The following MED16 variants were observed in gnomAD, a reference collection of about 807,000 sequenced individuals.
MED16 encodes mediator of RNA polymerase II transcription subunit 16.
Under a neutral mutation model 84.4 loss-of-function variants are expected in MED16, and 81 were observed. That is an observed-to-expected ratio of 0.96 (90% CI 0.80 to 1.15). The LOEUF (loss-of-function observed/expected upper bound fraction) is 1.15, where lower values mean the gene tolerates loss of function less well. Ranked by LOEUF, MED16 falls within the 50% of genes most tolerant of loss-of-function variation. MED16 has a pLI of 0.00. For missense variants in MED16, 1,585 were observed against 1,245.9 expected, an observed-to-expected ratio of 1.27 and a Z score of -4.10; for synonymous variants, 897 against 552.2, an observed-to-expected ratio of 1.62 and a Z score of -8.76.
chr19:872,172 G>A, intron 11 of MED16, 54 bp from the exon 12 acceptor site: 1 of 1,502,910 alleles, frequency 6.7e-7, no homozygotes, highest in East Asian at 2.3e-5. Context: ...GATGGCGATG[G>A]GATGAAGTGT....
intron 13 of MED16, among the ~76,000 whole-genome samples, chr19:869,212 C>T (rs970009503): frequency 8.5e-5 from 13 of 152,124 alleles, no homozygotes; most frequent in African/African-American, 2.4e-4. Flanking sequence ...GTAAAGGGGA[C>T]GGGGCCCACA....
At chr19:892,916 CG>C (rs2145266284) in intron 1 of MED16, 169 bp downstream of exon 1, 1 of 137,204 alleles carries the variant, frequency 7.3e-6, no homozygotes, top group African/African-American at 2.9e-5. Context: ...CCGCGCCCCG[CG>C]CCCCGCGCCC....
In MED16 at chr19:873,355, G is replaced by C. The variant is rs1279019891; in HGVS notation, c.1905+94C>G. The C allele has an allele frequency of 6.4e-6, 8 of 1,243,758 alleles. No homozygotes were observed. The East Asian group carries it at 1.5e-4, about 24-fold the overall frequency. The allele number at this position is 1,243,758 out of a possible 1,614,324, so 77.0% of individuals were successfully genotyped here. On this transcript the variant is annotated intron_variant, in intron 11 of 15. Transcript: ENST00000325464. ...CGGGACTCCAACTAGGGGCGGGGCT[G>C]AGGTGGTTTTGAGGGGCAGGGGCAG... is the stretch of plus-strand genomic sequence containing the variant.
intron 1 of MED16, among the ~76,000 whole-genome samples, chr19:891,479 C>T (rs761038097): frequency 1.1e-4 from 16 of 152,154 alleles, no homozygotes; most frequent in Non-Finnish European, 2.4e-4. Flanking sequence ...GGAGGGTCTG[C>T]GCTGGCCCAG....
rs976239448 is a variant in MED16, at chr19:877,103, C to T, written c.1431G>A (p.Leu477=). 1 of 1,612,662 alleles carries T rather than the reference C, an allele frequency of 6.2e-7. No individual in the cohort carries two copies. Among genetic ancestry groups the T allele is most frequent in the Non-Finnish European group, 8.5e-7 (1 of 1,179,900 alleles). The change falls in exon 9 of 16, where the codon CTG becomes CTA. Residue 477 remains leucine (L), a synonymous_variant. Transcript: ENST00000325464. ...VGLALRHLLF[L]LEYCMVTGYD... ...AGCCGGTCACCATGCAGTACTCCAG[C>T]AGGAAGAGCAGGTGCCGCAGCGCCA...
At position 886,549 on chromosome 19, in the gene MED16, T is replaced by G. The variant is rs1374360116; in HGVS notation, c.448-348A>C. 9.2e-5 allele frequency among the ~76,000 whole-genome samples: 14 copies of G among 152,230 alleles called. 1 individual carries two copies. The highest frequency in any genetic ancestry group is 9.2e-4 in the Admixed American group (14 of 15,282). On this transcript the variant is annotated intron_variant, in intron 4 of 15. Transcript: ENST00000325464. Reference sequence around the variant, plus strand: ...GGTCCCTGTTGCAACGACTTGGCTCTGGCTCTGCCGTGGCGGCACACAGGC... The same window carrying G: ...GGTCCCTGTTGCAACGACTTGGCTCGGGCTCTGCCGTGGCGGCACACAGGC...
chr19:876,850 C>G, intron 9 of MED16, 124 bp downstream of exon 9: 4 of 907,814 alleles, frequency 4.4e-6, no homozygotes, highest in Non-Finnish European at 6.4e-6. Flanking sequence ...AGGGACAGCC[C>G]CACCTGGCAC....
chr19:868,393 C>T, intron 15 of MED16, 23 bp downstream of exon 15: 3 of 1,606,872 alleles, frequency 1.9e-6, no homozygotes, highest in Non-Finnish European at 2.5e-6. Flanking sequence ...CTGAGGGGCA[C>T]CCGCCACCAG....
At chr19:881,338 C>T (rs570216219) in intron 7 of MED16, among the ~76,000 whole-genome samples, 5 of 152,356 alleles carry the variant, frequency 3.3e-5, no homozygotes, top group Non-Finnish European at 7.3e-5. Context: ...TTAAAGAACA[C>T]TGGATCTGTC....
chr19:891,533 G>A (rs540619012), intron 1 of MED16, among the ~76,000 whole-genome samples: 64 of 152,318 alleles, frequency 4.2e-4, no homozygotes, highest in Non-Finnish European at 7.4e-4. Context: ...GCTCTCTCCC[G>A]AAGGAAGAGC....
In MED16 at chr19:880,099, G is replaced by T. The variant is rs766481695; in HGVS notation, c.1191C>A (p.Leu397=). 1.7e-5 allele frequency: 28 copies of T among 1,610,676 alleles called. 1 individual carries two copies. Among genetic ancestry groups the T allele is most frequent in the Non-Finnish European group, 2.1e-5 (25 of 1,179,444 alleles). ...AGAAGACGGCCATGGTCTGCAGTGAGAGCCGGTGCACGATGTGGACGCTGC... is the reference window on the plus strand; with the variant it reads ...AGAAGACGGCCATGGTCTGCAGTGATAGCCGGTGCACGATGTGGACGCTGC... ...HDGSVHIVHR[L]SLQTMAVFYS... Residue 397 remains leucine (L), a synonymous_variant, in exon 8 of 16, where the codon CTC becomes CTA. Transcript: ENST00000325464.
At chr19:873,836 G>C (rs2036162053) in intron 10 of MED16, among the ~76,000 whole-genome samples, 1 of 152,138 alleles carries the variant, frequency 6.6e-6, no homozygotes, top group African/African-American at 2.4e-5. Flanking sequence ...CTTGGCGTGG[G>C]CAGGTCCCCA....
At chr19:892,936 G>C (rs1222418147) in intron 1 of MED16, 150 bp downstream of exon 1, 3 of 114,474 alleles carry the variant, frequency 2.6e-5, no homozygotes, top group East Asian at 3.1e-4. Flanking sequence ...CCCGCGCCCC[G>C]CGCCCCAGGC....
intron 13 of MED16, 115 bp downstream of exon 13, chr19:870,922 C>A: frequency 1.1e-6 from 1 of 948,890 alleles, no homozygotes; most frequent in Non-Finnish European, 1.4e-6. Context: ...CGTGTGGATT[C>A]GGGGGGACCT....
chr19:878,192 G>A (rs374449776), intron 8 of MED16, among the ~76,000 whole-genome samples: 22 of 104,104 alleles, frequency 2.1e-4, no homozygotes, highest in Admixed American at 3.5e-4. Flanking sequence ...CCAGCCCCAC[G>A]TGCCCCAGCA....
At chr19:879,860 T>G (rs2036374825) in intron 8 of MED16, 77 bp downstream of exon 8, 1 of 866,694 alleles carries the variant, frequency 1.2e-6, no homozygotes, top group African/African-American at 2.6e-5. Flanking sequence ...TTCCCCTGGT[T>G]GTCAATGCCC....
chr19:869,525 C>T (rs757366351), intron 13 of MED16, among the ~76,000 whole-genome samples: 107 of 152,182 alleles, frequency 7.0e-4, no homozygotes, highest in Non-Finnish European at 1.2e-3. Context: ...CCTCTCTTTC[C>T]ATCAAGTCTT....
chr19:872,859 A>T, intron 11 of MED16: 7 of 685,392 alleles, frequency 1.0e-5, no homozygotes, highest in Non-Finnish European at 1.3e-5. Flanking sequence ...AGGGCCTGGG[A>T]GGCGGGGCTT....
At chr19:889,130 G>A (rs1177028405) in intron 4 of MED16, among the ~76,000 whole-genome samples, 2 of 123,982 alleles carry the variant, frequency 1.6e-5, no homozygotes, top group African/African-American at 6.7e-5. Flanking sequence ...CCCCAACCCT[G>A]GCCACGCCTA....
Sources: gnomAD v4.1 joint callset for allele counts (sites outside exome capture counted in the v4.1 genomes callset) on GRCh38, gnomAD v4.1.1 for gene constraint, MANE v1.5 for transcripts, NCBI Gene and HGNC (gene_info 2026-07-23, HGNC 2026-07-21) for gene names.